MKKS: variants seen among roughly 807,000 people sequenced by gnomAD.
MKKS encodes MKKS centrosomal shuttling protein.
A neutral mutation model predicts 33.2 loss-of-function variants in MKKS; 29 were observed. The observed-to-expected ratio is 0.87, with a 90% CI of 0.65 to 1.19. The LOEUF is 1.19. Among genes scored for constraint, MKKS ranks in the 50% most tolerant of loss-of-function variants. The pLI is 0.00. For synonymous variants in MKKS, 260 were observed against 244.0 expected (o/e 1.07, Z -0.61); for missense variants, 661 against 662.3 (o/e 1.00, Z 0.02).
At position 10,408,750 on chromosome 20, in the gene MKKS, C is replaced by A; in HGVS notation, c.1039G>T (p.Val347Leu). Residue 347 changes from valine to leucine, a missense_variant, in exon 4 of 6, where the codon GTG becomes TTG. Coordinates refer to ENST00000347364, the MANE Select transcript of MKKS (RefSeq NM_170784.3). ...GSICPNSYGS[V>L]KDVCTAKFGS... The stretch of plus-strand genomic sequence containing the variant: ...AATTTTGCAGTGCACACATCTTTCA[C>A]ACTTCCATAACTATTAGGACATATT... 6.2e-7 allele frequency: 1 copy of A among 1,613,888 alleles called. No individual in the cohort carries two copies. Among genetic ancestry groups the A allele is most frequent in the Non-Finnish European group, 8.5e-7 (1 of 1,179,838 alleles).
chr20:10,423,003 G>T (rs1012791364), intron 1 of MKKS, among the ~76,000 whole-genome samples: 3 of 151,954 alleles, frequency 2.0e-5, no homozygotes, highest in Non-Finnish European at 4.4e-5. Flanking sequence ...GAGCCACTGC[G>T]CCCGGCCCTT....
rs923696254 is a variant in MKKS, at chr20:10,401,791, A to G, written c.*3456T>C. On this transcript the variant is annotated 3_prime_UTR_variant, in exon 6 of 6. Coordinates refer to ENST00000347364, the MANE Select transcript of MKKS (RefSeq NM_170784.3). ...CCAAATGAGTTCAAGGATACCTATA[A>G]TAAAAGATATTAATGTGATATAGTT... 1 of 152,194 alleles carries G rather than the reference A, an allele frequency of 6.6e-6. No homozygotes were observed. The highest frequency in any genetic ancestry group is 6.5e-5 in the Admixed American group (1 of 15,274). The allele number at this position is 152,194 out of a possible 1,614,324, so 9.4% of individuals were successfully genotyped here.
chr20:10,414,281 T>TTTTC lies in MKKS; in HGVS notation c.-417-351_-417-350insGAAA. 2.0e-5 allele frequency among the ~76,000 whole-genome samples: 3 copies of TTTTC among 151,612 alleles called. No individual in the cohort carries two copies. The East Asian group carries it at 5.8e-4, about 29-fold the overall frequency. On this transcript the variant is annotated intron_variant, in intron 2 of 5. Coordinates refer to ENST00000347364, the MANE Select transcript of MKKS (RefSeq NM_170784.3). ...TCTCTGAGTCTTTTTTTTTTTTTTT[T>TTTTC]TGAGATGGAGTTTCGCTCTTGTTGC...
In MKKS at chr20:10,401,357, A is replaced by G. The variant is rs902215683; in HGVS notation, c.*3890T>C. The G allele has an allele frequency of 6.6e-6, 1 of 152,206 alleles. No individual in the cohort carries two copies. The highest frequency in any genetic ancestry group is 2.4e-5 in the African/African-American group (1 of 41,454). The allele number at this position is 152,206 out of a possible 1,614,324, so 9.4% of individuals were successfully genotyped here. A position where few individuals can be genotyped will look rare whatever the true frequency, so the allele number is the denominator to read the frequency against. Reference sequence around the variant, plus strand: ...GCAAAAACTTCCATTATGGGATACAATAGTTACTAAATGGAAGCACTTAGC... The same window carrying G: ...GCAAAAACTTCCATTATGGGATACAGTAGTTACTAAATGGAAGCACTTAGC... On this transcript the variant is annotated 3_prime_UTR_variant, in exon 6 of 6. Transcript: ENST00000347364.
At chr20:10,407,777 C>T in intron 4 of MKKS, 51 bp from the exon 5 acceptor site, 1 of 1,324,894 alleles carries the variant, frequency 7.5e-7, no homozygotes, top group Non-Finnish European at 1.1e-6. Context: ...CATATTAACA[C>T]ACAAAAAATC....
Position 10,413,530 on chromosome 20 carries a change from A to G in MKKS, c.-16T>C. 6.2e-7 allele frequency: 1 copy of G among 1,614,108 alleles called. No individual in the cohort carries two copies. Among genetic ancestry groups the G allele is most frequent in the Non-Finnish European group, 8.5e-7 (1 of 1,179,984 alleles). Reference sequence around the variant, plus strand: ...AACGAGACATCTTACTTCAGGTGGTAACTAGTGAAGACCGTTTTTATTTTG... The same window carrying G: ...AACGAGACATCTTACTTCAGGTGGTGACTAGTGAAGACCGTTTTTATTTTG... On this transcript the variant is annotated 5_prime_UTR_variant, in exon 3 of 6. Transcript: ENST00000347364.
rs62187241 is a variant in MKKS at position 10,406,142 on chromosome 20, T to C, written c.1273-455A>G. On this transcript the variant is annotated intron_variant, in intron 5 of 5. Transcript: ENST00000347364. The stretch of plus-strand genomic sequence containing the variant: ...TAAAATGGGAATGCACATATTTTTA[T>C]TTGGAAATCATGATGTAAATTTTCA... Among the ~76,000 whole-genome samples, 980 of 152,352 alleles carry C rather than the reference T, an allele frequency of 6.4e-3. 7 individuals are homozygous for C. The highest frequency in any genetic ancestry group is 0.02 in the Middle Eastern group (6 of 294).
At chr20:10,409,527 G>A (rs1288192364) in intron 3 of MKKS, among the ~76,000 whole-genome samples, 1 of 152,110 alleles carries the variant, frequency 6.6e-6, no homozygotes, top group South Asian at 2.1e-4. Flanking sequence ...AGTTATGTAA[G>A]AAAAGAAACC....
In MKKS at chr20:10,405,349, C is replaced by G; in HGVS notation, c.1611G>C (p.Leu537=). 3 of 1,614,174 alleles carry G rather than the reference C, an allele frequency of 1.9e-6. No homozygotes were observed. Among genetic ancestry groups the G allele is most frequent in the Non-Finnish European group, 2.5e-6 (3 of 1,180,022 alleles). ...PHEAVGSASN[L]TLDCLTAKLS... is the part of the protein sequence containing the mutation. ...GCTTTGCAGTCAAACAGTCCAAGGTCAGGTTGCTGGCTGAGCCCACAGCTT... is the reference window on the plus strand; with the variant it reads ...GCTTTGCAGTCAAACAGTCCAAGGTGAGGTTGCTGGCTGAGCCCACAGCTT... The change falls in exon 6 of 6, where the codon CTG becomes CTC. Residue 537 remains leucine (L), a synonymous_variant. Transcript: ENST00000347364.
intron 4 of MKKS, 51 bp from the exon 5 acceptor site, chr20:10,407,777 C>A (rs746724019): frequency 7.5e-7 from 1 of 1,324,896 alleles, no homozygotes; most frequent in Non-Finnish European, 1.1e-6. Flanking sequence ...CATATTAACA[C>A]ACAAAAAATC....
At chr20:10,429,532 T>C (rs1568674562) in intron 1 of MKKS, among the ~76,000 whole-genome samples, 2 of 152,080 alleles carry the variant, frequency 1.3e-5, no homozygotes, top group Non-Finnish European at 2.9e-5. Flanking sequence ...ATTCATCTCA[T>C]ATAAAAATAA....
chr20:10,414,015 C>A (rs1357168501), intron 2 of MKKS, 84 bp from the exon 3 acceptor site: 4 of 390,986 alleles, frequency 1.0e-5, no homozygotes, highest in Non-Finnish European at 1.8e-5. Context: ...TTCTAATGCT[C>A]TGCTGCCTTT....
In MKKS at chr20:10,405,701, A is replaced by C. The variant is rs772027047; in HGVS notation, c.1273-14T>G. On this transcript the variant is annotated splice_polypyrimidine_tract_variant and intron_variant, in intron 5 of 5. Transcript: ENST00000347364. ...GTCGTTGTGAGTCTAAAGAGTAATA[A>C]AAACATTGAAAACACATACAAAGCA... is the stretch of plus-strand genomic sequence containing the variant. 2 of 1,575,518 alleles carry C rather than the reference A, an allele frequency of 1.3e-6. No homozygotes were observed. Among genetic ancestry groups the C allele is most frequent in the South Asian group, 2.2e-5 (2 of 90,238 alleles).
intron 3 of MKKS, among the ~76,000 whole-genome samples, chr20:10,410,276 T>C (rs76255108): frequency 0.054 from 8,228 of 152,110 alleles, 261 homozygotes; most frequent in Admixed American, 0.08. Context: ...CTCCCTCACA[T>C]GAGAGGCAAG....
intron 2 of MKKS, among the ~76,000 whole-genome samples, chr20:10,416,037 A>G (rs1460384000): frequency 6.6e-6 from 1 of 152,200 alleles, no homozygotes; most frequent in African/African-American, 2.4e-5. Context: ...GTTTGGAAGT[A>G]TCAGTTCAGC....
chr20:10,411,952 C>G (rs1198626532), intron 3 of MKKS, among the ~76,000 whole-genome samples: 1 of 152,164 alleles, frequency 6.6e-6, no homozygotes, highest in Non-Finnish European at 1.5e-5. Flanking sequence ...TCAACAAACA[C>G]TTTAGAACAC....
intron 1 of MKKS, among the ~76,000 whole-genome samples, chr20:10,425,089 C>G (rs1175017384): frequency 6.6e-6 from 1 of 151,448 alleles, no homozygotes; most frequent in Non-Finnish European, 1.5e-5. Context: ...ATTAGCATTA[C>G]TGTTCTTTTC....
In MKKS at chr20:10,405,604, A is replaced by G. The variant is rs201977053; in HGVS notation, c.1356T>C (p.Ser452=). ...AAGAGCCAACAACAGATTCTAGGGC[A>G]CTGCAAAATGCTTCAGCAATTAATT... ...ELQLIAEAFC[S]ALESVVGSLE... The change falls in exon 6 of 6, where the codon AGT becomes AGC. Residue 452 remains serine, a synonymous_variant. Coordinates refer to ENST00000347364, the MANE Select transcript of MKKS (RefSeq NM_170784.3). 1.1e-4 allele frequency: 178 copies of G among 1,614,076 alleles called. No homozygotes were observed. Among genetic ancestry groups the G allele is most frequent in the Non-Finnish European group, 1.4e-4 (167 of 1,180,012 alleles).
At chr20:10,410,862 T>C (rs1354583170) in intron 3 of MKKS, among the ~76,000 whole-genome samples, 1 of 152,150 alleles carries the variant, frequency 6.6e-6, no homozygotes, top group Non-Finnish European at 1.5e-5. Context: ...TTTCTTTTTT[T>C]CTCAAAAGCT....
Sources: gnomAD v4.1 joint callset for allele counts (sites outside exome capture counted in the v4.1 genomes callset) on GRCh38, gnomAD v4.1.1 for gene constraint, MANE v1.5 for transcripts, NCBI Gene and HGNC (gene_info 2026-07-23, HGNC 2026-07-21) for gene names.